TAF1: variants seen among roughly 807,000 people sequenced by gnomAD.
TAF1 encodes transcription initiation factor TFIID subunit 1.
A neutral mutation model predicts 138.5 loss-of-function variants in TAF1; 2 were observed. That is an observed-to-expected ratio of 0.01 (90% CI 0.01 to 0.05). TAF1 has a LOEUF of 0.05. TAF1 is among the 10% of genes least tolerant of loss of function. The pLI, the probability that TAF1 is intolerant of heterozygous loss-of-function variation, is 1.00. For synonymous variants in TAF1, 437 were observed against 503.2 expected (o/e 0.87, Z 1.76); for missense variants, 709 against 1,478.0 (o/e 0.48, Z 8.53).
intron 13 of TAF1, among the ~76,000 whole-genome samples, chrX:71,524,983 A>G (rs2039974423): frequency 1.8e-5 from 2 of 109,802 alleles, no homozygotes; most frequent in African/African-American, 3.3e-5. Context: ...GGATACAGAT[A>G]TGTTTGAATG....
rs148921433 is a variant in TAF1, at chrX:71,388,856, G to A, written c.2688G>A (p.Glu896=). 5.9e-4 allele frequency: 712 copies of A among 1,206,529 alleles called. No homozygotes were observed. Among genetic ancestry groups the A allele is most frequent in the Non-Finnish European group, 7.6e-4 (677 of 892,945 alleles). ...CCAYYSMIAA[E]QRLKDAGYGE... is the part of the protein sequence containing the mutation. ...CTTATTATAGCATGATAGCTGCAGA[G>A]CAACGACTGAAGGTGAACACCTTCC... Residue 896 remains glutamate (E), a synonymous_variant, in exon 17 of 38, where the codon GAG becomes GAA. Transcript: ENST00000423759.
At chrX:71,494,814 G>C (rs1181112824) in intron 13 of TAF1, among the ~76,000 whole-genome samples, 1 of 112,286 alleles carries the variant, frequency 8.9e-6, no homozygotes, top group Non-Finnish European at 1.9e-5. Context: ...AAAGAACAAA[G>C]CTTCCACTGC....
rs764617572 is a variant in TAF1, at chrX:71,397,272, C to T, written c.3426C>T (p.Ser1142=). The change falls in exon 23 of 38, where the codon TCC becomes TCT. Residue 1142 remains serine (S), a synonymous_variant. Coordinates refer to ENST00000423759, the MANE Select transcript of TAF1 (RefSeq NM_004606.5). ...RMLLAAGSAA[S]GNNHRDDDTA... Reference sequence around the variant, plus strand: ...TTGCAGCAGCAGGCTCAGCAGCATCCGGAAACAATCACAGAGATGATGACA... The same window carrying T: ...TTGCAGCAGCAGGCTCAGCAGCATCTGGAAACAATCACAGAGATGATGACA... 36 of 1,208,690 alleles carry T rather than the reference C, an allele frequency of 3.0e-5. No homozygotes were observed. The highest frequency in any genetic ancestry group is 3.9e-5 in the Non-Finnish European group (35 of 894,996).
chrX:71,367,373 T>C, intron 1 of TAF1, 126 bp from the exon 2 acceptor site: 1 of 787,212 alleles, frequency 1.3e-6, no homozygotes, highest in Admixed American at 2.9e-5. Context: ...GTTGCTTGTT[T>C]TGGCACACTG....
intron 34 of TAF1, among the ~76,000 whole-genome samples, chrX:71,457,957 T>G (rs982259276): frequency 1.8e-5 from 2 of 112,484 alleles, no homozygotes; most frequent in African/African-American, 6.5e-5. Context: ...AGAAAAAAAC[T>G]AGGTTATTGA....
At chrX:71,418,471 C>T (rs751132554) in intron 28 of TAF1, among the ~76,000 whole-genome samples, 1 of 112,638 alleles carries the variant, frequency 8.9e-6, no homozygotes, top group East Asian at 2.8e-4. Flanking sequence ...ACATTGTACA[C>T]AGTCATTAAA....
intron 32 of TAF1, among the ~76,000 whole-genome samples, chrX:71,449,504 AAGAG>A (rs1035825153): frequency 1.8e-5 from 2 of 112,843 alleles, no homozygotes; most frequent in African/African-American, 6.4e-5. Context: ...GGATTAAAGT[AAGAG>A]AGAAACTTCA....
chrX:71,499,813 T>A (rs1313926234), intron 13 of TAF1, among the ~76,000 whole-genome samples: 1 of 111,713 alleles, frequency 9.0e-6, no homozygotes, highest in Non-Finnish European at 1.9e-5. Flanking sequence ...AGCCACATTC[T>A]TTTCATTAAA....
chrX:71,450,014 C>T (rs1463715479), intron 32 of TAF1, among the ~76,000 whole-genome samples: 1 of 111,728 alleles, frequency 9.0e-6, no homozygotes, highest in Non-Finnish European at 1.9e-5. Context: ...CTCAAGTGAT[C>T]ATCCTGCCCA....
rs996165425 is a variant in TAF1, at chrX:71,439,037, C to T, written c.4753+14799C>T. ...TTTTTAATCTCCTTTGCTGAATGTT[C>T]TGCCCACTCCTGTAACTTCAGTTGC... is the stretch of plus-strand genomic sequence containing the variant. On this transcript the variant is annotated intron_variant, in intron 32 of 37. Coordinates refer to ENST00000423759, the MANE Select transcript of TAF1 (RefSeq NM_004606.5). 2.7e-5 allele frequency among the ~76,000 whole-genome samples: 3 copies of T among 112,027 alleles called. No individual in the cohort carries two copies. In the Admixed American group the frequency reaches 2.9e-4, roughly 11 times the overall value.
chrX:71,462,896 G>A (rs887200005), intron 37 of TAF1, among the ~76,000 whole-genome samples: 1 of 112,062 alleles, frequency 8.9e-6, no homozygotes, highest in African/African-American at 3.2e-5. Flanking sequence ...AGATGTTTGT[G>A]TAAGGATGTT....
intron 35 of TAF1, chrX:71,459,267 G>C: frequency 8.8e-7 from 1 of 1,140,113 alleles, no homozygotes; most frequent in Non-Finnish European, 1.2e-6. Flanking sequence ...TATGCTTATA[G>C]AAAGCTTATG....
At chrX:71,524,328 A>C (rs2039957445) in intron 13 of TAF1, among the ~76,000 whole-genome samples, 1 of 111,030 alleles carries the variant, frequency 9.0e-6, no homozygotes, top group African/African-American at 3.3e-5. Flanking sequence ...CACCTCACCC[A>C]GTCTGTAATA....
chrX:71,366,895 C>T (rs1227586123), intron 1 of TAF1, among the ~76,000 whole-genome samples: 1 of 111,735 alleles, frequency 8.9e-6, no homozygotes, highest in Non-Finnish European at 1.9e-5. Context: ...TGGACAGGAC[C>T]TGCCTCCCGC....
chrX:71,380,698 AT>A (rs1363106125), intron 8 of TAF1, among the ~76,000 whole-genome samples: 1 of 111,916 alleles, frequency 8.9e-6, no homozygotes, highest in African/African-American at 3.2e-5. Context: ...GAAAAACAAA[AT>A]TTTTTCTTTT....
chrX:71,482,578 TA>T (rs1355000992), intron 13 of TAF1, among the ~76,000 whole-genome samples: 5 of 112,737 alleles, frequency 4.4e-5, no homozygotes, highest in Admixed American at 3.8e-4. Flanking sequence ...ATAGCACGTC[TA>T]AAAATACTTT....
downstream of TAF1, among the ~76,000 whole-genome samples, chrX:71,469,859 G>A (rs1399749797): frequency 1.8e-5 from 2 of 110,471 alleles, no homozygotes; most frequent in Non-Finnish European, 3.8e-5. Flanking sequence ...GTGCCACCAT[G>A]CCCGGCTAAT....
chrX:71,474,386 T>C (rs905630069), intron 13 of TAF1, among the ~76,000 whole-genome samples: 1 of 111,614 alleles, frequency 9.0e-6, no homozygotes, highest in Non-Finnish European at 1.9e-5. Context: ...GCACCTGTTA[T>C]AAGACTATAA....
intron 32 of TAF1, among the ~76,000 whole-genome samples, chrX:71,452,274 GCC>G: frequency 9.0e-6 from 1 of 110,846 alleles, no homozygotes; most frequent in African/African-American, 3.3e-5. Context: ...CGGGGCGGCT[GCC>G]GGGCGGAGGG....
Sources: allele counts gnomAD v4.1 joint callset (sites outside exome capture counted in the v4.1 genomes callset), GRCh38; gene constraint gnomAD v4.1.1; transcripts MANE v1.5; gene names NCBI Gene and HGNC (gene_info 2026-07-23, HGNC 2026-07-21).